Variants in ENPP6 observed in about 807,000 individuals in gnomAD.
The protein encoded by ENPP6 is ectonucleotide pyrophosphatase/phosphodiesterase 6.
A neutral mutation model predicts 42.0 loss-of-function variants in ENPP6; 32 were observed. That is an observed-to-expected ratio of 0.76 (90% CI 0.58 to 1.02). The LOEUF is 1.02. ENPP6 is among the 50% of genes least tolerant of loss of function. The probability of loss-of-function intolerance (pLI) is 0.00; values close to 1 mark genes in which losing one functional copy is unlikely to be tolerated. For missense variants in ENPP6, 552 were observed against 566.8 expected (o/e 0.97, Z 0.27); for synonymous variants, 213 against 216.0 (o/e 0.99, Z 0.12).
At chr4:184,149,380 T>C (rs967094883) in intron 2 of ENPP6, among the ~76,000 whole-genome samples, 1 of 152,200 alleles carries the variant, frequency 6.6e-6, no homozygotes, top group Non-Finnish European at 1.5e-5. Context: ...CCTCCTATTA[T>C]CCAGATGATG....
chr4:184,147,800 C>CA (rs5864876), intron 2 of ENPP6, among the ~76,000 whole-genome samples: 122,216 of 143,954 alleles, frequency 0.85, 52,098 homozygotes, highest in East Asian at 0.93. Context: ...GACCCTGTTT[C>CA]AAAAAAAAAA....
At chr4:184,117,629 C>T (rs938331215) in intron 4 of ENPP6, 130 bp downstream of exon 4, 55 of 1,359,928 alleles carry the variant, frequency 4.0e-5, no homozygotes, top group African/African-American at 2.7e-4. Context: ...CCAAGGGACT[C>T]GTCAAAGCCT....
intron 1 of ENPP6, among the ~76,000 whole-genome samples, chr4:184,214,837 C>T (rs1468837545): frequency 6.6e-6 from 1 of 152,044 alleles, no homozygotes; most frequent in African/African-American, 2.4e-5. Flanking sequence ...GTTGGAGGAT[C>T]GGGGGCACAG....
At chr4:184,115,649 GACA>G (rs1366287376) in intron 5 of ENPP6, among the ~76,000 whole-genome samples, 3 of 152,182 alleles carry the variant, frequency 2.0e-5, no homozygotes, top group Non-Finnish European at 4.4e-5. Context: ...AGGCAGCTAT[GACA>G]GCACCACCAT....
At chr4:184,113,867 CTCTT>C (rs977923513) in intron 5 of ENPP6, among the ~76,000 whole-genome samples, 6 of 151,896 alleles carry the variant, frequency 4.0e-5, no homozygotes, top group Admixed American at 2.0e-4. Context: ...TTATCTCTCT[CTCTT>C]TCTCTTTCTT....
chr4:184,115,499 T>C (rs1483917656), intron 5 of ENPP6, among the ~76,000 whole-genome samples: 1 of 152,186 alleles, frequency 6.6e-6, no homozygotes, highest in Non-Finnish European at 1.5e-5. Flanking sequence ...GCAGTGACTG[T>C]GGGGAGCAGA....
At chr4:184,149,184 G>A (rs962348874) in intron 2 of ENPP6, among the ~76,000 whole-genome samples, 72 of 152,206 alleles carry the variant, frequency 4.7e-4, no homozygotes, top group African/African-American at 1.7e-3. Flanking sequence ...CATGCATAGA[G>A]GCCGTGACTT....
chr4:184,178,713 G>A (rs1732492181), intron 1 of ENPP6, among the ~76,000 whole-genome samples: 1 of 152,190 alleles, frequency 6.6e-6, no homozygotes, highest in African/African-American at 2.4e-5. Context: ...GAGACTGGGA[G>A]CCAATATTTA....
chr4:184,166,529 CACTTTTT>C (rs1450252787), intron 1 of ENPP6, among the ~76,000 whole-genome samples: 6 of 152,324 alleles, frequency 3.9e-5, no homozygotes, highest in African/African-American at 1.4e-4. Flanking sequence ...TTGACTTAAA[CACTTTTT>C]ACTTTTAGAA....
chr4:184,108,931 C>T (rs1418678549), intron 6 of ENPP6, among the ~76,000 whole-genome samples: 3 of 152,216 alleles, frequency 2.0e-5, no homozygotes, highest in Admixed American at 2.0e-4. Context: ...ACAATAGCAG[C>T]GGGACGCAGT....
intron 1 of ENPP6, among the ~76,000 whole-genome samples, chr4:184,205,364 G>A (rs1732977744): frequency 6.6e-6 from 1 of 152,256 alleles, no homozygotes; most frequent in South Asian, 2.1e-4. Flanking sequence ...CGGTGACCTT[G>A]TGGGGCAGAT....
chr4:184,154,892 TTTTA>T (rs1414153121), intron 1 of ENPP6, among the ~76,000 whole-genome samples: 1 of 152,240 alleles, frequency 6.6e-6, no homozygotes, highest in Admixed American at 6.5e-5. Flanking sequence ...AAGGAAGTTA[TTTTA>T]TTTATTGTTT....
chr4:184,101,175 G>C (rs761535600), intron 6 of ENPP6, among the ~76,000 whole-genome samples: 8 of 152,088 alleles, frequency 5.3e-5, no homozygotes, highest in African/African-American at 1.9e-4. Context: ...GTGTGCATGA[G>C]TGTGTATGTG....
chr4:184,114,726 G>A lies in ENPP6; in HGVS notation c.856-1917C>T, dbSNP rs182363105. Among the ~76,000 whole-genome samples, 849 of 149,266 alleles carry A rather than the reference G, an allele frequency of 5.7e-3. 1 individual carries two copies. The highest frequency in any genetic ancestry group is 0.01 in the Non-Finnish European group (697 of 67,756). ...GATGCCCAAGTTCTGGAGACAGCAC[G>A]TTCCTAAGTGCCAAATTGGACACAA... On this transcript the variant is annotated intron_variant, in intron 5 of 7. Coordinates refer to ENST00000296741, the MANE Select transcript of ENPP6 (RefSeq NM_153343.4).
At chr4:184,168,859 G>A (rs547345109) in intron 1 of ENPP6, among the ~76,000 whole-genome samples, 1 of 152,350 alleles carries the variant, frequency 6.6e-6, no homozygotes, top group Non-Finnish European at 1.5e-5. Context: ...TGGAGCCGGG[G>A]CCTTGCCTGG....
intron 3 of ENPP6, among the ~76,000 whole-genome samples, chr4:184,120,122 G>A (rs1216446446): frequency 6.6e-6 from 1 of 152,164 alleles, no homozygotes; most frequent in Non-Finnish European, 1.5e-5. Context: ...CCTTCCAGGT[G>A]GCCCTAGATC....
At chr4:184,198,401 G>A (rs1454239930) in intron 1 of ENPP6, among the ~76,000 whole-genome samples, 3 of 152,240 alleles carry the variant, frequency 2.0e-5, no homozygotes, top group Non-Finnish European at 4.4e-5. Flanking sequence ...ACCCACCTGC[G>A]AAATGGGAGC....
intron 2 of ENPP6, among the ~76,000 whole-genome samples, chr4:184,136,104 A>G (rs373208950): frequency 1.1e-4 from 17 of 151,740 alleles, no homozygotes; most frequent in Admixed American, 9.9e-4. Context: ...CCCTTCCTCT[A>G]TTAGTTTGCT....
chr4:184,202,334 C>T (rs540559222), intron 1 of ENPP6, among the ~76,000 whole-genome samples: 1 of 152,308 alleles, frequency 6.6e-6, no homozygotes, highest in African/African-American at 2.4e-5. Flanking sequence ...AGCCAATCAG[C>T]AAGTTCTGCC....
Sources: allele counts gnomAD v4.1 joint callset (sites outside exome capture counted in the v4.1 genomes callset), GRCh38; gene constraint gnomAD v4.1.1; transcripts MANE v1.5; gene names NCBI Gene and HGNC (gene_info 2026-07-23, HGNC 2026-07-21).